Variants in ATXN7L1 observed in about 807,000 individuals in gnomAD.
ATXN7L1 encodes the protein ataxin 7 like 1.
A neutral mutation model predicts 70.8 loss-of-function variants in ATXN7L1; 15 were observed. That is an observed-to-expected ratio of 0.21 (90% CI 0.14 to 0.33). The LOEUF is 0.33. Ranked by LOEUF, ATXN7L1 falls within the 10% of genes least tolerant of loss-of-function variation. ATXN7L1 has a pLI of 1.00. For missense variants in ATXN7L1, 975 were observed against 1,097.1 expected, an observed-to-expected ratio of 0.89 and a Z score of 1.57; for synonymous variants, 440 against 445.1, an observed-to-expected ratio of 0.99 and a Z score of 0.14.
chr7:105,661,537 T>G (rs1260583336), intron 4 of ATXN7L1, among the ~76,000 whole-genome samples: 1 of 152,174 alleles, frequency 6.6e-6, no homozygotes, highest in Non-Finnish European at 1.5e-5. Context: ...GTAAAGTGAC[T>G]TTTTCAAGGA....
chr7:105,632,944 A>AAAAAAGAAG lies in ATXN7L1; in HGVS notation c.1202+5408_1202+5409insCTTCTTTTT, dbSNP rs1554398803. Among the ~76,000 whole-genome samples the AAAAAAGAAG allele has an allele frequency of 3.3e-5, 5 of 150,698 alleles. No individual in the cohort carries two copies. The East Asian group carries it at 9.7e-4, about 29-fold the overall frequency. ...TTTAAAAAAAAAAAAAAAAAAAAAA[A>AAAAAAGAAG]AAAAGAAGAAGAGTGACTATTGTGT... is the stretch of plus-strand genomic sequence containing the variant. On this transcript the variant is annotated intron_variant, in intron 7 of 11. Transcript: ENST00000419735.
chr7:105,729,910 T>G (rs908922402), intron 3 of ATXN7L1, among the ~76,000 whole-genome samples: 4 of 152,056 alleles, frequency 2.6e-5, no homozygotes, highest in African/African-American at 9.7e-5. Context: ...GCTAATTTTT[T>G]GTATTTTTAG....
chr7:105,624,253 T>C lies in ATXN7L1; in HGVS notation c.1217A>G (p.Asn406Ser). The change falls in exon 8 of 12, where the codon AAT becomes AGT. Residue 406 changes from asparagine to serine, a missense_variant. By Grantham distance (46) the Asn-to-Ser change is conservative. Transcript: ENST00000419735. ...TGAAGATGTGCTGCTGCTTATGCTA[T>C]TTGCAGATGATGGTCTAAGGGCAAG... Reference protein sequence around the residue: ...NSVLPRPSSANSISSSTSSNH... With the variant: ...NSVLPRPSSASSISSSTSSNH... 7.0e-7 allele frequency: 1 copy of C among 1,437,392 alleles called. No homozygotes were observed. Among genetic ancestry groups the C allele is most frequent in the Non-Finnish European group, 9.2e-7 (1 of 1,082,962 alleles). 89.0% of individuals were successfully genotyped at this position (1,437,392 alleles called of 1,614,324 possible).
chr7:105,841,126 A>G (rs1813143808), intron 2 of ATXN7L1, among the ~76,000 whole-genome samples: 1 of 152,204 alleles, frequency 6.6e-6, no homozygotes, highest in African/African-American at 2.4e-5. Flanking sequence ...GTTTTTGTTT[A>G]TAAGACAGTT....
intron 2 of ATXN7L1, among the ~76,000 whole-genome samples, chr7:105,804,554 TACAA>T (rs1474714314): frequency 6.6e-6 from 1 of 152,222 alleles, no homozygotes; most frequent in African/African-American, 2.4e-5. Flanking sequence ...CTGACAGTTC[TACAA>T]ACACTTATTC....
intron 2 of ATXN7L1, among the ~76,000 whole-genome samples, chr7:105,842,926 TTGGGG>T (rs1813440693): frequency 6.6e-6 from 1 of 152,246 alleles, no homozygotes; most frequent in Non-Finnish European, 1.5e-5. Context: ...GTGGTGTCTC[TTGGGG>T]TTTTGATTTG....
chr7:105,721,389 T>C (rs505288), intron 3 of ATXN7L1, among the ~76,000 whole-genome samples: 24,837 of 152,166 alleles, frequency 0.16, 2,113 homozygotes, highest in African/African-American at 0.21. Context: ...GCGGAGCTGC[T>C]GGAAGGATTC....
At chr7:105,679,234 G>A in intron 3 of ATXN7L1, 1 of 796,788 alleles carries the variant, frequency 1.3e-6, no homozygotes, top group African/African-American at 1.9e-5. Flanking sequence ...GAAAAGCCCG[G>A]AACAGTCAGG....
intron 3 of ATXN7L1, among the ~76,000 whole-genome samples, chr7:105,726,754 G>A (rs1795862938): frequency 6.6e-6 from 1 of 152,156 alleles, no homozygotes; most frequent in Admixed American, 6.5e-5. Context: ...GAAGGATTCT[G>A]CCCTGTGCCT....
At chr7:105,716,380 A>G (rs1347551155) in intron 3 of ATXN7L1, among the ~76,000 whole-genome samples, 1 of 152,184 alleles carries the variant, frequency 6.6e-6, no homozygotes, top group Non-Finnish European at 1.5e-5. Context: ...TTCTTCCCGC[A>G]GCGTTTGGAG....
intron 2 of ATXN7L1, among the ~76,000 whole-genome samples, chr7:105,807,364 G>A (rs562172575): frequency 6.7e-4 from 102 of 152,294 alleles, no homozygotes; most frequent in African/African-American, 2.4e-3. Flanking sequence ...AAACTCCACT[G>A]CACTTCCCTG....
rs556048408 is a variant in ATXN7L1 at position 105,740,784 on chromosome 7, T to TTTTTTTTTTTTTTTTTTTTTTTTGAG, written c.355+47819_355+47820insCTCAAAAAAAAAAAAAAAAAAAAAAA. On this transcript the variant is annotated intron_variant, in intron 3 of 11. Transcript: ENST00000419735. ...GGCTCCATTCATTTTTTTTTTTTTT[T>TTTTTTTTTTTTTTTTTTTTTTTTGAG]AATGGAGTCTCACTCTGTCGCCCAG... Among the ~76,000 whole-genome samples the TTTTTTTTTTTTTTTTTTTTTTTTGAG allele has an allele frequency of 1.0e-4, 8 of 77,924 alleles. 2 individuals are homozygous for TTTTTTTTTTTTTTTTTTTTTTTTGAG. Among genetic ancestry groups the TTTTTTTTTTTTTTTTTTTTTTTTGAG allele is most frequent in the African/African-American group, 1.8e-4 (3 of 16,332 alleles). The allele number at this position is 77,924 out of a possible 152,430, so 51.1% of individuals were successfully genotyped here.
At chr7:105,725,209 A>C (rs1457243561) in intron 3 of ATXN7L1, among the ~76,000 whole-genome samples, 1 of 152,172 alleles carries the variant, frequency 6.6e-6, no homozygotes. Context: ...AAAGCTAAAG[A>C]GAGAAGAAAG....
At chr7:105,832,782 A>G (rs1291988449) in intron 2 of ATXN7L1, among the ~76,000 whole-genome samples, 2 of 152,176 alleles carry the variant, frequency 1.3e-5, no homozygotes, top group Non-Finnish European at 2.9e-5. Flanking sequence ...TCGTAGTTAT[A>G]CCACCATCAT....
chr7:105,770,809 A>C (rs1339506593), intron 3 of ATXN7L1, among the ~76,000 whole-genome samples: 1 of 152,148 alleles, frequency 6.6e-6, no homozygotes, highest in East Asian at 1.9e-4. Flanking sequence ...CTAGAGCTGA[A>C]ACTTAAATTT....
intron 2 of ATXN7L1, among the ~76,000 whole-genome samples, chr7:105,797,580 A>G (rs1806181364): frequency 6.6e-6 from 1 of 152,260 alleles, no homozygotes; most frequent in African/African-American, 2.4e-5. Flanking sequence ...GCCCAAGTTC[A>G]AATTTGGCAT....
In ATXN7L1 at chr7:105,779,629, T is replaced by C. The variant is rs117062003; in HGVS notation, c.355+8975A>G. Reference sequence around the variant, plus strand: ...TAGTGTAACTGCACTTTACTAGGGATGGTGGAAAAATGAAATAAGCAAAAA... The same window carrying C: ...TAGTGTAACTGCACTTTACTAGGGACGGTGGAAAAATGAAATAAGCAAAAA... On this transcript the variant is annotated intron_variant, in intron 3 of 11. Transcript: ENST00000419735. Among the ~76,000 whole-genome samples the C allele has an allele frequency of 5.4e-3, 828 of 152,282 alleles. 4 individuals carry two copies. Among genetic ancestry groups the C allele is most frequent in the Non-Finnish European group, 8.0e-3 (547 of 68,014 alleles).
intron 9 of ATXN7L1, among the ~76,000 whole-genome samples, chr7:105,619,002 G>A (rs1042150967): frequency 2.6e-5 from 4 of 151,980 alleles, no homozygotes; most frequent in Non-Finnish European, 5.9e-5. Flanking sequence ...CTAAGGAGGC[G>A]GGAAGGGCCA....
chr7:105,666,026 C>T (rs1259307635), intron 3 of ATXN7L1, among the ~76,000 whole-genome samples: 1 of 152,212 alleles, frequency 6.6e-6, no homozygotes, highest in African/African-American at 2.4e-5. Context: ...ATTCTGTTAG[C>T]CACTGTGCTT....
Sources: gnomAD v4.1 joint callset for allele counts (sites outside exome capture counted in the v4.1 genomes callset) on GRCh38, gnomAD v4.1.1 for gene constraint, MANE v1.5 for transcripts, NCBI Gene and HGNC (gene_info 2026-07-23, HGNC 2026-07-21) for gene names.